KLHL29: variants seen among roughly 807,000 people sequenced by gnomAD.
The protein encoded by KLHL29 is kelch-like protein 29.
A neutral mutation model predicts 80.4 loss-of-function variants in KLHL29; 21 were observed. That is an observed-to-expected ratio of 0.26 (90% CI 0.19 to 0.38). The LOEUF is 0.38. Among genes scored for constraint, KLHL29 ranks in the 10% least tolerant of loss-of-function variants. The pLI is 1.00. For synonymous variants in KLHL29, 511 were observed against 526.8 expected (o/e 0.97, Z 0.41); for missense variants, 867 against 1,223.9 (o/e 0.71, Z 4.35).
chr2:23,531,732 G>A (rs889224383), intron 2 of KLHL29, among the ~76,000 whole-genome samples: 5 of 152,244 alleles, frequency 3.3e-5, no homozygotes, highest in African/African-American at 9.6e-5. Context: ...TTCCAATTCC[G>A]CAGCAACTGA....
At chr2:23,425,003 A>G (rs1173063577) in intron 1 of KLHL29, among the ~76,000 whole-genome samples, 2 of 152,236 alleles carry the variant, frequency 1.3e-5, no homozygotes, top group African/African-American at 2.4e-5. Flanking sequence ...TTATTTGTCA[A>G]CAAATCAGTC....
At chr2:23,441,042 C>A (rs967056727) in intron 1 of KLHL29, among the ~76,000 whole-genome samples, 1 of 152,040 alleles carries the variant, frequency 6.6e-6, no homozygotes, top group Non-Finnish European at 1.5e-5. Context: ...ATGTTTATTG[C>A]GGCACTATTC....
intron 1 of KLHL29, among the ~76,000 whole-genome samples, chr2:23,431,662 G>T (rs972745427): frequency 6.6e-6 from 1 of 152,156 alleles, no homozygotes; most frequent in Non-Finnish European, 1.5e-5. Context: ...GGAGGCCTAG[G>T]CGGGTGGATC....
chr2:23,416,810 C>G (rs1280502043), intron 1 of KLHL29, among the ~76,000 whole-genome samples: 1 of 152,152 alleles, frequency 6.6e-6, no homozygotes, highest in Non-Finnish European at 1.5e-5. Context: ...ATTCTCTCTT[C>G]AGTATTGTTA....
intron 3 of KLHL29, among the ~76,000 whole-genome samples, chr2:23,599,628 A>G (rs1445956935): frequency 2.0e-5 from 3 of 152,142 alleles, no homozygotes; most frequent in Non-Finnish European, 2.9e-5. Flanking sequence ...ATATACACAG[A>G]CAAAACACAT....
At chr2:23,494,933 G>C (rs982028123) in intron 2 of KLHL29, among the ~76,000 whole-genome samples, 2 of 152,154 alleles carry the variant, frequency 1.3e-5, no homozygotes, top group East Asian at 1.9e-4. Context: ...TGCTCCTTTC[G>C]TCGCCGTAAG....
intron 5 of KLHL29, among the ~76,000 whole-genome samples, chr2:23,671,109 GGGTTTCCATTTCATTTCCCT>G (rs1670738931): frequency 6.6e-6 from 1 of 150,600 alleles, no homozygotes; most frequent in East Asian, 2.0e-4. Flanking sequence ...CTGGCATCTG[GGGTTTCCATTTCATTTCCCT>G]CTTTACCTAG....
intron 5 of KLHL29, chr2:23,643,177 C>A: frequency 4.0e-6 from 2 of 497,312 alleles, no homozygotes; most frequent in South Asian, 3.8e-5. Flanking sequence ...AAGGCCAGGC[C>A]AAGCTGCAAA....
At chr2:23,609,662 A>G (rs1668809618) in intron 3 of KLHL29, among the ~76,000 whole-genome samples, 1 of 152,066 alleles carries the variant, frequency 6.6e-6, no homozygotes, top group East Asian at 1.9e-4. Flanking sequence ...TCAGACATGC[A>G]TGACAGATGA....
At chr2:23,481,776 G>A (rs1664804128) in intron 2 of KLHL29, among the ~76,000 whole-genome samples, 1 of 152,212 alleles carries the variant, frequency 6.6e-6, no homozygotes, top group Non-Finnish European at 1.5e-5. Flanking sequence ...AATCAGCCGG[G>A]CGTGGTGGCA....
intron 1 of KLHL29, among the ~76,000 whole-genome samples, chr2:23,387,328 C>T (rs1158170867): frequency 2.0e-5 from 3 of 152,136 alleles, no homozygotes; most frequent in African/African-American, 7.2e-5. Flanking sequence ...CAGATCTGTC[C>T]TGGTTACGGC....
chr2:23,485,783 C>T (rs1276394259), intron 2 of KLHL29, among the ~76,000 whole-genome samples: 1 of 152,230 alleles, frequency 6.6e-6, no homozygotes, highest in Non-Finnish European at 1.5e-5. Flanking sequence ...GGGCACAGTC[C>T]TTAACCTCCC....
At chr2:23,533,935 GT>G (rs66937094) in intron 2 of KLHL29, among the ~76,000 whole-genome samples, 3,036 of 145,810 alleles carry the variant, frequency 0.021, 32 homozygotes, top group South Asian at 0.03. Context: ...GGTGTCTGTT[GT>G]TTTTTTTTTT....
intron 1 of KLHL29, among the ~76,000 whole-genome samples, chr2:23,413,256 C>T (rs7560355): frequency 0.62 from 93,586 of 151,996 alleles, 29,979 homozygotes; most frequent in South Asian, 0.8. Context: ...TCAGCGGAGT[C>T]GTGCTGGCAC....
chr2:23,644,669 T>C (rs1272277915), intron 5 of KLHL29, among the ~76,000 whole-genome samples: 1 of 152,232 alleles, frequency 6.6e-6, no homozygotes, highest in Non-Finnish European at 1.5e-5. Context: ...CTGTGCCCAC[T>C]GGGTCAATGA....
chr2:23,391,185 A>G (rs1193683481), intron 1 of KLHL29, among the ~76,000 whole-genome samples: 1 of 152,236 alleles, frequency 6.6e-6, no homozygotes, highest in African/African-American at 2.4e-5. Flanking sequence ...TAAACTTAGC[A>G]TAACGTCTTC....
intron 2 of KLHL29, among the ~76,000 whole-genome samples, chr2:23,555,593 G>T (rs1025742914): frequency 6.6e-6 from 1 of 152,248 alleles, no homozygotes; most frequent in Non-Finnish European, 1.5e-5. Flanking sequence ...GCAGCCTGAG[G>T]GGAGGTTCGT....
intron 3 of KLHL29, among the ~76,000 whole-genome samples, chr2:23,637,838 C>A (rs1669657662): frequency 6.6e-6 from 1 of 152,070 alleles, no homozygotes; most frequent in Non-Finnish European, 1.5e-5. Flanking sequence ...CCATGGTCCT[C>A]ACCTGAGAGG....
At chr2:23,386,057 C>T (rs1235706762) in intron 1 of KLHL29, among the ~76,000 whole-genome samples, 1 of 152,114 alleles carries the variant, frequency 6.6e-6, no homozygotes, top group African/African-American at 2.4e-5. Flanking sequence ...TGCCTGGGGC[C>T]ACTGTCACGG....
Sources: allele counts gnomAD v4.1 joint callset (sites outside exome capture counted in the v4.1 genomes callset), GRCh38; gene constraint gnomAD v4.1.1; transcripts MANE v1.5; gene names NCBI Gene and HGNC (gene_info 2026-07-23, HGNC 2026-07-21).